Variants in PPRC1 observed in about 807,000 individuals in gnomAD.
The protein encoded by PPRC1 is PPARG related coactivator 1.
PPRC1 carries 23 observed loss-of-function variants against 132.5 expected under a neutral mutation model. The observed-to-expected ratio is 0.17, with a 90% CI of 0.12 to 0.25. PPRC1 has a LOEUF of 0.25. Ranked by LOEUF, PPRC1 falls within the 10% of genes least tolerant of loss-of-function variation. PPRC1 has a pLI of 1.00. For missense variants in PPRC1, 2,006 were observed against 2,089.1 expected (o/e 0.96, Z 0.78); for synonymous variants, 872 against 833.5 (o/e 1.05, Z -0.80).
chr10:102,136,881 G>A (rs758909635), intron 1 of PPRC1, among the ~76,000 whole-genome samples: 52 of 152,160 alleles, frequency 3.4e-4, no homozygotes, highest in Non-Finnish European at 6.8e-4. Flanking sequence ...TGCCTGACAC[G>A]AGAGGCCGTA....
chr10:102,139,885 C>T lies in PPRC1; in HGVS notation c.1377C>T (p.Gly459=). The part of the protein sequence containing the change: ...AAPGSQRARK[G]RKKKSKEQPA... ...CAGGTTCCCAGAGAGCTCGAAAGGG[C>T]AGGAAGAAGAAGAGCAAGGAGCAGC... Residue 459 remains glycine (G), a synonymous_variant, in exon 5 of 14, where the codon GGC becomes GGT. Transcript: ENST00000278070. 1 of 1,614,190 alleles carries T rather than the reference C, an allele frequency of 6.2e-7. No homozygotes were observed. The highest frequency in any genetic ancestry group is 8.5e-7 in the Non-Finnish European group (1 of 1,180,036).
In PPRC1 at chr10:102,133,160, G is replaced by C; in HGVS notation, c.92G>C (p.Gly31Ala). ...CCTGGCGGGGGAGCCCGCGGCAGTG[G>C]TTGGGGAAGTCGAAGCCAAGCGCCG... ...PDPGGGARGS[G>A]WGSRSQAPYG... is the part of the protein sequence containing the mutation. The change falls in exon 1 of 14, where the codon GGT (glycine) becomes GCT (alanine). Residue 31 changes from glycine to alanine, a missense_variant. Physicochemically the swap from Gly to Ala is moderately conservative, Grantham distance 60. This residue lies in a region of PPRC1 where 1,914 missense variants were observed against 1,917.2 expected (regional missense o/e 1.00). Transcript: ENST00000278070. 7.9e-7 allele frequency: 1 copy of C among 1,266,324 alleles called. No homozygotes were observed. The allele number at this position is 1,266,324 out of a possible 1,614,324, so 78.4% of individuals were successfully genotyped here. A position where few individuals can be genotyped will look rare whatever the true frequency, so the allele number is the denominator to read the frequency against.
the PPRC1 span, among the ~76,000 whole-genome samples, chr10:102,127,020 C>A: frequency 1.3e-4 from 11 of 87,940 alleles, no homozygotes; most frequent in East Asian, 1.2e-3. Context: ...GGTTTTTTAT[C>A]ATATATATAT....
In PPRC1 at chr10:102,138,901, C is replaced by T; in HGVS notation, c.512C>T (p.Ser171Phe). 1 of 1,614,178 alleles carries T rather than the reference C, an allele frequency of 6.2e-7. No individual in the cohort carries two copies. Among genetic ancestry groups the T allele is most frequent in the Non-Finnish European group, 8.5e-7 (1 of 1,180,004 alleles). The change falls in exon 4 of 14, where the codon TCT (serine) becomes TTT (phenylalanine). Residue 171 changes from serine (S) to phenylalanine (F), a missense_variant. Coordinates refer to ENST00000278070, the MANE Select transcript of PPRC1 (RefSeq NM_015062.5). Reference protein sequence around the residue: ...GSSLHKLLTLSRTPPERDLIT... With the variant: ...GSSLHKLLTLFRTPPERDLIT... Reference sequence around the variant, plus strand: ...TAGCTGCACAAGCTGCTTACTCTCTCTCGGACACCCCCAGAACGTGACCTC... The same window carrying T: ...TAGCTGCACAAGCTGCTTACTCTCTTTCGGACACCCCCAGAACGTGACCTC...
At chr10:102,122,870 G>A in the PPRC1 span, among the ~76,000 whole-genome samples, 2 of 152,152 alleles carry the variant, frequency 1.3e-5, no homozygotes, top group Admixed American at 1.3e-4. Flanking sequence ...TACACTTGCC[G>A]ACTCATTTAC....
rs764276432 is a variant in PPRC1 at position 102,139,212 on chromosome 10, G to A, written c.704G>A (p.Gly235Asp). Residue 235 changes from glycine (G) to aspartate (D), a missense_variant, in exon 5 of 14, where the codon GGC becomes GAC. Coordinates refer to ENST00000278070, the MANE Select transcript of PPRC1 (RefSeq NM_015062.5). Reference protein sequence around the residue: ...WRPPRSRPRWGQSPPPQQRSD... With the variant: ...WRPPRSRPRWDQSPPPQQRSD... ...CCCCCAAGATCAAGACCACGCTGGG[G>A]CCAATCCCCACCTCCCCAGCAGCGC... The A allele has an allele frequency of 1.2e-6, 2 of 1,614,122 alleles. No homozygotes were observed. Among genetic ancestry groups the A allele is most frequent in the African/African-American group, 1.3e-5 (1 of 75,018 alleles).
chr10:102,145,058 G>T lies in PPRC1; in HGVS notation c.3647G>T (p.Arg1216Leu), dbSNP rs768832167. The part of the protein sequence containing the change: ...DIPQEKRPLD[R>L]LQAPELANVA... Reference sequence around the variant, plus strand: ...CCCCAGGAGAAGAGGCCCCTAGACCGGTTACAAGCCCCAGAACTGGCCAAC... The same window carrying T: ...CCCCAGGAGAAGAGGCCCCTAGACCTGTTACAAGCCCCAGAACTGGCCAAC... The change falls in exon 8 of 14, where the codon CGG (arginine) becomes CTG (leucine). Residue 1216 changes from arginine to leucine, a missense_variant. This residue lies in a region of PPRC1 where 1,914 missense variants were observed against 1,917.2 expected (regional missense o/e 1.00). Coordinates refer to ENST00000278070, the MANE Select transcript of PPRC1 (RefSeq NM_015062.5). 3 of 1,613,760 alleles carry T rather than the reference G, an allele frequency of 1.9e-6. No individual in the cohort carries two copies. The highest frequency in any genetic ancestry group is 2.2e-5 in the South Asian group (2 of 91,052).
chr10:102,122,077 C>A, the PPRC1 span, among the ~76,000 whole-genome samples: 1 of 151,862 alleles, frequency 6.6e-6, no homozygotes. Flanking sequence ...GAGTCTCCCA[C>A]CCCCAGGTTT....
At chr10:102,131,638 GT>G (rs1378976544), upstream of PPRC1, among the ~76,000 whole-genome samples, 1 of 152,162 alleles carries the variant, frequency 6.6e-6, no homozygotes, top group Non-Finnish European at 1.5e-5. Context: ...ATATGTAATA[GT>G]GAGAAACTGT....
At chr10:102,132,905 C>A, upstream of PPRC1, 1 of 1,058,634 alleles carries the variant, frequency 9.4e-7, no homozygotes, top group Non-Finnish European at 1.2e-6. Context: ...GGAACCTTCG[C>A]GCGAGGCCAG....
the PPRC1 span, among the ~76,000 whole-genome samples, chr10:102,127,022 TATATA>T: frequency 2.7e-4 from 1 of 3,756 alleles, no homozygotes; most frequent in Non-Finnish European, 9.4e-4. Flanking sequence ...TTTTTTATCA[TATATA>T]TATATATATA....
chr10:102,137,953 A>T lies in PPRC1; in HGVS notation c.257A>T (p.Gln86Leu). 4.3e-6 allele frequency: 7 copies of T among 1,614,194 alleles called. No homozygotes were observed. The highest frequency in any genetic ancestry group is 5.9e-6 in the Non-Finnish European group (7 of 1,180,030). Residue 86 changes from glutamine to leucine, a missense_variant, in exon 2 of 14, where the codon CAG (glutamine) becomes CTG (leucine). Gln to Leu is a moderately radical substitution (Grantham distance 113). This residue lies in a region of PPRC1 where 1,914 missense variants were observed against 1,917.2 expected (regional missense o/e 1.00). Coordinates refer to ENST00000278070, the MANE Select transcript of PPRC1 (RefSeq NM_015062.5). Reference sequence around the variant, plus strand: ...CTGGAAATGGAGGAGCTAATGCTGCAGGATGAGACACTGCTGGGGACCATG... The same window carrying T: ...CTGGAAATGGAGGAGCTAATGCTGCTGGATGAGACACTGCTGGGGACCATG... Reference protein sequence around the residue: ...KDLEMEELMLQDETLLGTMQS... With the variant: ...KDLEMEELMLLDETLLGTMQS...
At position 102,144,314 on chromosome 10, in the gene PPRC1, A is replaced by G. The variant is rs2069124792; in HGVS notation, c.3608+7A>G. 3 of 1,613,224 alleles carry G rather than the reference A, an allele frequency of 1.9e-6. No homozygotes were observed. The African/African-American group carries it at 4.0e-5, about 22-fold the overall frequency. The stretch of plus-strand genomic sequence containing the variant: ...TGGCTGTAGGAAACTCAGGGTAAGT[A>G]TGGAGACATGAGCGAGTTACCCTAC... On this transcript the variant is annotated splice_region_variant and intron_variant, in intron 7 of 13. Transcript: ENST00000278070.
chr10:102,136,666 G>A (rs1242070609), intron 1 of PPRC1, among the ~76,000 whole-genome samples: 3 of 152,114 alleles, frequency 2.0e-5, no homozygotes, highest in South Asian at 2.1e-4. Context: ...TCGTTGGTAT[G>A]TATTGTTTGT....
chr10:102,125,931 C>T, the PPRC1 span, among the ~76,000 whole-genome samples: 5 of 150,638 alleles, frequency 3.3e-5, no homozygotes, highest in African/African-American at 9.8e-5. Context: ...GGCACAATCT[C>T]GGCTCACTGC....
At chr10:102,130,198 C>T (rs1439691490), upstream of PPRC1, among the ~76,000 whole-genome samples, 8 of 151,452 alleles carry the variant, frequency 5.3e-5, no homozygotes, top group African/African-American at 1.9e-4. Context: ...GGGCAGATCA[C>T]GAGATCAGGA....
chr10:102,139,011 C>T (rs1273659679), intron 4 of PPRC1, 31 bp downstream of exon 4: 1 of 1,605,838 alleles, frequency 6.2e-7, no homozygotes, highest in South Asian at 1.1e-5. Context: ...TTCAGAAACT[C>T]CCAGGTGGGA....
At position 102,148,306 on chromosome 10, in the gene PPRC1, TG is replaced by T. The variant is rs1368535555; in HGVS notation, c.4401-63del. The T allele has an allele frequency of 2.6e-6, 4 of 1,553,472 alleles. No homozygotes were observed. The African/African-American group carries it at 4.1e-5, about 16-fold the overall frequency. On this transcript the variant is annotated intron_variant, in intron 9 of 13. Coordinates refer to ENST00000278070, the MANE Select transcript of PPRC1 (RefSeq NM_015062.5). The surrounding 1 kb of genome is among the most constrained non-coding windows in gnomAD (Gnocchi z 4.2). ...CTAAAAGAAAGGCAGGACTGGGGCC[TG>T]GGTGAGATAAGCAGAGTATACCTGA...
chr10:102,145,913 G>A (rs560776356), intron 8 of PPRC1, among the ~76,000 whole-genome samples: 53 of 152,244 alleles, frequency 3.5e-4, no homozygotes, highest in African/African-American at 1.3e-3. Flanking sequence ...ACAGTGAGAT[G>A]TGAAGAGGGA....
Sources: gnomAD v4.1 joint callset for allele counts (sites outside exome capture counted in the v4.1 genomes callset) on GRCh38, gnomAD v4.1.1 for gene constraint, gnomAD v4.1.1 regional missense constraint, Gnocchi (gnomAD v3.1) non-coding constraint, MANE v1.5 for transcripts, NCBI Gene and HGNC (gene_info 2026-07-23, HGNC 2026-07-21) for gene names.